SIDT1: variants seen among roughly 807,000 people sequenced by gnomAD.
SIDT1 encodes the protein SID1 transmembrane family member 1, also known as SID1 transmembrane family, member 1.
SIDT1 carries 101 observed loss-of-function variants against 107.5 expected under a neutral mutation model. The observed-to-expected ratio is 0.94, with a 90% confidence interval of 0.80 to 1.11. SIDT1 has a LOEUF of 1.11. SIDT1 is among the 50% of genes least tolerant of loss of function. SIDT1 has a pLI of 0.00. For synonymous variants in SIDT1, 395 were observed against 398.2 expected, an observed-to-expected ratio of 0.99 and a Z score of 0.10; for missense variants, 1,076 against 1,058.2, an observed-to-expected ratio of 1.02 and a Z score of -0.23.
chr3:113,625,376 C>T (rs919435701), intron 23 of SIDT1, among the ~76,000 whole-genome samples: 4 of 151,966 alleles, frequency 2.6e-5, no homozygotes, highest in Middle Eastern at 3.2e-3. Flanking sequence ...TGACCTTAGG[C>T]GATCCACCTG....
At chr3:113,563,346 T>C (rs62265515) in intron 1 of SIDT1, among the ~76,000 whole-genome samples, 41,499 of 151,966 alleles carry the variant, frequency 0.27, 6,247 homozygotes, top group East Asian at 0.58. Context: ...GAGGTTTAAA[T>C]AATTTTTTTA....
chr3:113,552,092 T>A (rs1560022665), intron 1 of SIDT1, among the ~76,000 whole-genome samples: 1 of 152,176 alleles, frequency 6.6e-6, no homozygotes, highest in Non-Finnish European at 1.5e-5. Context: ...GACTCACACC[T>A]ATCTTAAATA....
Position 113,584,717 on chromosome 3 carries a change from G to A in SIDT1, c.855G>A (p.Trp285Ter). 6.2e-7 allele frequency: 1 copy of A among 1,600,072 alleles called. No individual in the cohort carries two copies. Among genetic ancestry groups the A allele is most frequent in the Non-Finnish European group, 8.5e-7 (1 of 1,175,736 alleles). Residue 285 changes from tryptophan to a stop codon, truncating the protein, a stop_gained, in exon 8 of 25, where the codon TGG (tryptophan) becomes TGA (stop). Transcript: ENST00000264852. LOFTEE classifies it high-confidence loss of function. Reference protein sequence around the residue: ...FFIQEKENQTWNLQRKKNLEV... With the variant: ...FFIQEKENQT ...AACCAGAAAAGGAAAACCAGACCTG[G>A]AATCTACAGCGAAAAAAGAACCTTG... is the stretch of plus-strand genomic sequence containing the variant.
At chr3:113,544,660 A>G (rs1939369996) in intron 1 of SIDT1, among the ~76,000 whole-genome samples, 1 of 152,184 alleles carries the variant, frequency 6.6e-6, no homozygotes, top group South Asian at 2.1e-4. Flanking sequence ...CATTTTTGAC[A>G]TAACACGCAG....
At chr3:113,600,709 G>C (rs890107285) in intron 10 of SIDT1, among the ~76,000 whole-genome samples, 7 of 152,188 alleles carry the variant, frequency 4.6e-5, no homozygotes, top group Non-Finnish European at 7.3e-5. Flanking sequence ...TACTGTGCTC[G>C]AAAGATTTGA....
intron 1 of SIDT1, among the ~76,000 whole-genome samples, chr3:113,540,649 A>T (rs187767885): frequency 8.8e-4 from 134 of 152,314 alleles, no homozygotes; most frequent in Non-Finnish European, 1.6e-3. Context: ...TAAAAACAAA[A>T]ATCTGCAAAA....
At chr3:113,566,791 A>T (rs1056801115) in intron 2 of SIDT1, among the ~76,000 whole-genome samples, 3 of 152,178 alleles carry the variant, frequency 2.0e-5, no homozygotes, top group African/African-American at 7.2e-5. Context: ...ACATACCGTG[A>T]TCCTCTGTAG....
chr3:113,578,262 G>A (rs905475274), intron 4 of SIDT1, among the ~76,000 whole-genome samples: 16 of 151,806 alleles, frequency 1.1e-4, no homozygotes, highest in African/African-American at 3.9e-4. Flanking sequence ...TCAGGAGATC[G>A]AGACCATCCT....
intron 19 of SIDT1, among the ~76,000 whole-genome samples, chr3:113,612,797 AT>A (rs1347945342): frequency 1.3e-5 from 2 of 152,238 alleles, no homozygotes; most frequent in Non-Finnish European, 2.9e-5. Context: ...GAGCATTTAA[AT>A]TTTAAAAAAT....
Position 113,626,151 on chromosome 3 carries a change from A to G in SIDT1, c.2357A>G (p.Asp786Gly). Residue 786 changes from aspartate to glycine, a missense_variant, in exon 24 of 25, where the codon GAT (aspartate) becomes GGT (glycine). By Grantham distance (94) the Asp-to-Gly change is moderately conservative. Transcript: ENST00000264852. ...REKNRECILL[D>G]FFDDHDIWHF... ...AAGAACCGCGAGTGCATTCTGCTGG[A>G]TTTCTTCGATGACCATGACATCTGG... 2.5e-6 allele frequency: 4 copies of G among 1,613,926 alleles called. No individual in the cohort carries two copies. Among genetic ancestry groups the G allele is most frequent in the Non-Finnish European group, 3.4e-6 (4 of 1,179,976 alleles).
chr3:113,633,921 C>T (rs548580815), downstream of SIDT1, among the ~76,000 whole-genome samples: 174 of 152,308 alleles, frequency 1.1e-3, no homozygotes, highest in Non-Finnish European at 2.2e-3. Context: ...TTTAAAATAT[C>T]ATGTTGGGAC....
intron 1 of SIDT1, among the ~76,000 whole-genome samples, chr3:113,547,947 T>G (rs1939783652): frequency 6.6e-6 from 1 of 152,108 alleles, no homozygotes; most frequent in Non-Finnish European, 1.5e-5. Flanking sequence ...ATAAAATACT[T>G]TATTTCTTAA....
chr3:113,545,678 G>A (rs1576712746), intron 1 of SIDT1, among the ~76,000 whole-genome samples: 2 of 152,286 alleles, frequency 1.3e-5, no homozygotes, highest in South Asian at 4.1e-4. Context: ...TCTACCCCTA[G>A]ACCATTTAAT....
At position 113,629,290 on chromosome 3, in the gene SIDT1, T is replaced by C. The variant is rs1947041903; in HGVS notation, c.*1582T>C. On this transcript the variant is annotated 3_prime_UTR_variant, in exon 25 of 25. Coordinates refer to ENST00000264852, the MANE Select transcript of SIDT1 (RefSeq NM_017699.3). The stretch of plus-strand genomic sequence containing the variant: ...AAAGTCCCCAAATGTGTACTTAGCC[T>C]TCTGTTATTCCTTATTCTTTAAGCA... 6.6e-6 allele frequency: 1 copy of C among 152,244 alleles called. No individual in the cohort carries two copies. The allele number at this position is 152,244 out of a possible 1,614,324, so 9.4% of individuals were successfully genotyped here.
rs2107682556 is a variant in SIDT1, at chr3:113,605,045, C to T, written c.1404+69C>T. The T allele has an allele frequency of 2.6e-6, 4 of 1,543,770 alleles. No homozygotes were observed. In the East Asian group the frequency reaches 9.0e-5, roughly 35 times the overall value. On this transcript the variant is annotated intron_variant, in intron 14 of 24. Coordinates refer to ENST00000264852, the MANE Select transcript of SIDT1 (RefSeq NM_017699.3). Reference sequence around the variant, plus strand: ...TCTGCAGGGAGAGTCTCCACTGTGACTGACAGAGAGAGGTACAACTTAGGA... The same window carrying T: ...TCTGCAGGGAGAGTCTCCACTGTGATTGACAGAGAGAGGTACAACTTAGGA...
At chr3:113,624,938 T>G (rs1035084995) in intron 23 of SIDT1, among the ~76,000 whole-genome samples, 2 of 152,204 alleles carry the variant, frequency 1.3e-5, no homozygotes, top group South Asian at 4.1e-4. Context: ...TATGTAGATA[T>G]GTGTATCATA....
chr3:113,615,192 C>A (rs1432126791), intron 19 of SIDT1: 1 of 1,115,924 alleles, frequency 9.0e-7, no homozygotes, highest in African/African-American at 1.5e-5. Context: ...GGGCAGACTC[C>A]GTGGGAGTGG....
intron 19 of SIDT1, among the ~76,000 whole-genome samples, chr3:113,614,187 G>A (rs1165102065): frequency 6.6e-5 from 10 of 152,164 alleles, no homozygotes; most frequent in African/African-American, 1.2e-4. Context: ...CAGGGAGGAC[G>A]CCGGCAAAAT....
chr3:113,577,849 A>G (rs1943024633), intron 4 of SIDT1, among the ~76,000 whole-genome samples: 1 of 152,198 alleles, frequency 6.6e-6, no homozygotes, highest in Admixed American at 6.5e-5. Flanking sequence ...TCTCAGAGAG[A>G]AAGCCCTGAT....
Sources: allele counts gnomAD v4.1 joint callset (sites outside exome capture counted in the v4.1 genomes callset), GRCh38; gene constraint gnomAD v4.1.1; transcripts MANE v1.5; gene names NCBI Gene and HGNC (gene_info 2026-07-23, HGNC 2026-07-21).